Variants in SNTB1 observed in about 807,000 individuals in gnomAD.
SNTB1 encodes the protein syntrophin beta 1, also known as beta-1-syntrophin.
In SNTB1, 36 loss-of-function variants were observed where a neutral mutation model predicts 48.9. The ratio of observed to expected loss-of-function variants is 0.74; its 90% confidence interval spans 0.56 to 0.97. SNTB1 has a LOEUF of 0.97. SNTB1 is among the 50% of genes least tolerant of loss of function. The pLI, the probability that SNTB1 is intolerant of heterozygous loss-of-function variation, is 0.00. For missense variants in SNTB1, 786 were observed against 703.4 expected (o/e 1.12, Z -1.33); for synonymous variants, 299 against 294.6 (o/e 1.01, Z -0.15).
At chr8:120,623,480 G>A (rs1365249241) in intron 3 of SNTB1, among the ~76,000 whole-genome samples, 1 of 152,308 alleles carries the variant, frequency 6.6e-6, no homozygotes, top group Middle Eastern at 3.4e-3. Context: ...AGGAACCAGG[G>A]CACACCTCAT....
intron 1 of SNTB1, among the ~76,000 whole-genome samples, chr8:120,782,861 T>C (rs1294768413): frequency 6.6e-6 from 1 of 152,162 alleles, no homozygotes; most frequent in Non-Finnish European, 1.5e-5. Context: ...CCATGATATT[T>C]ACCTTTTGCT....
At chr8:120,741,772 T>C (rs1005939451) in intron 1 of SNTB1, among the ~76,000 whole-genome samples, 3 of 152,236 alleles carry the variant, frequency 2.0e-5, no homozygotes, top group Middle Eastern at 3.2e-3. Context: ...TTGGTCTATT[T>C]TTGTAGGACC....
chr8:120,574,182 A>G (rs931237435), intron 4 of SNTB1, among the ~76,000 whole-genome samples: 16 of 152,242 alleles, frequency 1.1e-4, no homozygotes, highest in African/African-American at 3.6e-4. Flanking sequence ...CTTAAAGCAG[A>G]GAGTAGAATG....
chr8:120,635,283 C>A (rs571041490), intron 2 of SNTB1, among the ~76,000 whole-genome samples: 298 of 152,286 alleles, frequency 2.0e-3, no homozygotes, highest in African/African-American at 6.7e-3. Context: ...AGCTGCAGAG[C>A]AGAATACAAA....
intron 3 of SNTB1, among the ~76,000 whole-genome samples, chr8:120,578,407 C>T (rs188956969): frequency 4.1e-4 from 62 of 152,234 alleles, no homozygotes; most frequent in African/African-American, 1.4e-3. Flanking sequence ...CTAGTGACAA[C>T]GTGCATTACA....
chr8:120,704,933 A>C (rs1587102529), intron 1 of SNTB1, among the ~76,000 whole-genome samples: 2 of 152,340 alleles, frequency 1.3e-5, no homozygotes, highest in African/African-American at 4.8e-5. Context: ...GATTCTAGGG[A>C]TTTTCATGGC....
At chr8:120,790,793 A>G (rs945803336) in intron 1 of SNTB1, among the ~76,000 whole-genome samples, 6 of 152,036 alleles carry the variant, frequency 3.9e-5, no homozygotes, top group African/African-American at 1.4e-4. Flanking sequence ...AAGAATCGGT[A>G]TCATGAAAAT....
chr8:120,792,717 G>A (rs940081048), intron 1 of SNTB1, among the ~76,000 whole-genome samples: 2 of 151,804 alleles, frequency 1.3e-5, no homozygotes, highest in Non-Finnish European at 2.9e-5. Flanking sequence ...AAGTTTTGAT[G>A]GTATTTCAAA....
In SNTB1 at chr8:120,762,221, G is replaced by T. The variant is rs562776002; in HGVS notation, c.571+49052C>A. On this transcript the variant is annotated intron_variant, in intron 1 of 6. Coordinates refer to ENST00000517992, the MANE Select transcript of SNTB1 (RefSeq NM_021021.4). ...CACTAATAGCACCAGCTGGCACGGG[G>T]CATGAGACACACCAGCATTTTTATA... 1.6e-4 allele frequency among the ~76,000 whole-genome samples: 24 copies of T among 152,270 alleles called. No individual in the cohort carries two copies. In the South Asian group the frequency reaches 4.4e-3, roughly 28 times the overall value.
chr8:120,579,056 A>T (rs1815998377), intron 3 of SNTB1, among the ~76,000 whole-genome samples: 2 of 152,072 alleles, frequency 1.3e-5, no homozygotes, highest in South Asian at 4.1e-4. Context: ...GGGTGCCTGT[A>T]ATCCTAGCTA....
At chr8:120,626,155 G>A (rs1168541896) in intron 3 of SNTB1, among the ~76,000 whole-genome samples, 1 of 151,844 alleles carries the variant, frequency 6.6e-6, no homozygotes, top group African/African-American at 2.4e-5. Flanking sequence ...TGCTATTGTT[G>A]GAACTGAAAA....
In SNTB1 at chr8:120,538,456, A is replaced by G. The variant is rs1815232859; in HGVS notation, c.*421T>C. On this transcript the variant is annotated 3_prime_UTR_variant, in exon 7 of 7. Transcript: ENST00000517992. Reference sequence around the variant, plus strand: ...AAAAGGGATCACTGTTACTGGGGATAGGGGGCTAGGAGGAGTAGGTAAGAA... The same window carrying G: ...AAAAGGGATCACTGTTACTGGGGATGGGGGGCTAGGAGGAGTAGGTAAGAA... The G allele has an allele frequency of 3.8e-5, 10 of 259,910 alleles. No homozygotes were observed. The South Asian group carries it at 4.1e-4, about 11-fold the overall frequency. 16.1% of individuals were successfully genotyped at this position (259,910 alleles called of 1,614,324 possible). A position where few individuals can be genotyped will look rare whatever the true frequency, so the allele number is the denominator to read the frequency against.
Position 120,812,018 on chromosome 8 carries a change from G to A in SNTB1, c.-175C>T, listed in dbSNP as rs1293351829. On this transcript the variant is annotated 5_prime_UTR_variant, in exon 1 of 7. Transcript: ENST00000517992. ...CAGACGCACTCGGCGGGAGTTGGCA[G>A]CTGCACTCAGGCTGGTTCCCCCTCG... 30 of 1,266,034 alleles carry A rather than the reference G, an allele frequency of 2.4e-5. No individual in the cohort carries two copies. Among genetic ancestry groups the A allele is most frequent in the Non-Finnish European group, 3.0e-5 (30 of 1,011,590 alleles). The allele number at this position is 1,266,034 out of a possible 1,614,324, so 78.4% of individuals were successfully genotyped here.
intron 1 of SNTB1, among the ~76,000 whole-genome samples, chr8:120,810,331 C>T (rs1224316431): frequency 6.6e-6 from 1 of 152,182 alleles, no homozygotes; most frequent in African/African-American, 2.4e-5. Context: ...AGTTTACTAC[C>T]ATATGCCCTT....
Position 120,750,808 on chromosome 8 carries a change from G to T in SNTB1, c.572-56900C>A, listed in dbSNP as rs1198749019. On this transcript the variant is annotated intron_variant, in intron 1 of 6. Coordinates refer to ENST00000517992, the MANE Select transcript of SNTB1 (RefSeq NM_021021.4). ...GTGTCAGGTGGAAAATGAAAGGCTG[G>T]CTTCCCTCTTCCAAGCAGAATCAGC... 2.0e-5 allele frequency among the ~76,000 whole-genome samples: 3 copies of T among 152,146 alleles called. No individual in the cohort carries two copies. The East Asian group carries it at 5.8e-4, about 29-fold the overall frequency.
chr8:120,586,219 A>G lies in SNTB1; in HGVS notation c.997-10994T>C, dbSNP rs561878052. 6.3e-4 allele frequency among the ~76,000 whole-genome samples: 96 copies of G among 152,372 alleles called. 1 individual carries two copies. Among genetic ancestry groups the G allele is most frequent in the Non-Finnish European group, 1.5e-5 (1 of 68,032 alleles). ...TGGGCATGGCATCGCCAAATCTTCC[A>G]GTGTTTCAAGAGAAGCCAGGAATCC... On this transcript the variant is annotated intron_variant, in intron 3 of 6. Coordinates refer to ENST00000517992, the MANE Select transcript of SNTB1 (RefSeq NM_021021.4).
intron 1 of SNTB1, among the ~76,000 whole-genome samples, chr8:120,697,537 A>C (rs549336387): frequency 6.6e-6 from 1 of 152,336 alleles, no homozygotes; most frequent in East Asian, 1.9e-4. Context: ...TGGATTAAGG[A>C]AATCTCAAGC....
At chr8:120,619,663 C>T (rs564351467) in intron 3 of SNTB1, among the ~76,000 whole-genome samples, 6 of 152,278 alleles carry the variant, frequency 3.9e-5, no homozygotes, top group East Asian at 3.9e-4. Context: ...CTACCATTTA[C>T]GGTAGATCTT....
chr8:120,629,513 T>C (rs1322308146), intron 3 of SNTB1, among the ~76,000 whole-genome samples: 3 of 152,208 alleles, frequency 2.0e-5, no homozygotes, highest in Non-Finnish European at 4.4e-5. Context: ...CAGGGTCACA[T>C]TTTATGTCTT....
Sources: allele counts gnomAD v4.1 joint callset (sites outside exome capture counted in the v4.1 genomes callset), GRCh38; gene constraint gnomAD v4.1.1; transcripts MANE v1.5; gene names NCBI Gene and HGNC (gene_info 2026-07-23, HGNC 2026-07-21).